HPCAL1: variants seen among roughly 807,000 people sequenced by gnomAD.
HPCAL1 encodes the protein hippocalcin-like protein 1.
Under a neutral mutation model 17.1 loss-of-function variants are expected in HPCAL1, and 8 were observed. The ratio of observed to expected loss-of-function variants is 0.47; its 90% CI spans 0.27 to 0.84. HPCAL1 has a LOEUF of 0.84. Among genes scored for constraint, HPCAL1 ranks in the 40% least tolerant of loss-of-function variants. The pLI is 0.13. For synonymous variants in HPCAL1, 112 were observed against 111.4 expected, an observed-to-expected ratio of 1.01 and a Z score of -0.03; for missense variants, 165 against 271.1, an observed-to-expected ratio of 0.61 and a Z score of 2.75.
chr2:10,356,116 G>C (rs1269012942), intron 1 of HPCAL1, among the ~76,000 whole-genome samples: 3 of 152,164 alleles, frequency 2.0e-5, no homozygotes, highest in Non-Finnish European at 2.9e-5. Flanking sequence ...TTACTCTTCT[G>C]AGTCCAGCAA....
chr2:10,415,677 C>A (rs1670616961), intron 2 of HPCAL1, among the ~76,000 whole-genome samples: 1 of 152,204 alleles, frequency 6.6e-6, no homozygotes, highest in Non-Finnish European at 1.5e-5. Flanking sequence ...CAGGCCTCCT[C>A]TTGATCATCA....
At position 10,384,721 on chromosome 2, in the gene HPCAL1, C is replaced by G. The variant is rs571533369; in HGVS notation, c.-110-12114C>G. ...TAGGGAGTGTTCTAGGCAGAGTAAA[C>G]AGTGCAGTGGCAGCCGGGGCTGGCA... On this transcript the variant is annotated intron_variant, in intron 1 of 4. Coordinates refer to ENST00000307845, the MANE Select transcript of HPCAL1 (RefSeq NM_002149.4). The surrounding 1 kb of genome is among the most constrained non-coding windows in gnomAD (Gnocchi z 4.4). 1.3e-5 allele frequency among the ~76,000 whole-genome samples: 2 copies of G among 152,140 alleles called. No homozygotes were observed. The highest frequency in any genetic ancestry group is 2.4e-5 in the African/African-American group (1 of 41,422).
Position 10,330,507 on chromosome 2 carries a change from G to A in HPCAL1, c.-111+27330G>A, listed in dbSNP as rs1664295646. 6.6e-6 allele frequency among the ~76,000 whole-genome samples: 1 copy of A among 151,952 alleles called. No homozygotes were observed. Among genetic ancestry groups the A allele is most frequent in the Non-Finnish European group, 1.5e-5 (1 of 67,994 alleles). On this transcript the variant is annotated intron_variant, in intron 1 of 4. Transcript: ENST00000307845. The surrounding 1 kb of genome is among the most constrained non-coding windows in gnomAD (Gnocchi z 4.2). Reference sequence around the variant, plus strand: ...TTTTTTTACAGTATTGGAGGCTGATGTCTGAGACAGGGTGGCGGCAGGGTT... The same window carrying A: ...TTTTTTTACAGTATTGGAGGCTGATATCTGAGACAGGGTGGCGGCAGGGTT...
chr2:10,306,634 A>G (rs959671674), intron 1 of HPCAL1, among the ~76,000 whole-genome samples: 1 of 152,162 alleles, frequency 6.6e-6, no homozygotes, highest in African/African-American at 2.4e-5. Context: ...ATCACTTTCT[A>G]CAAAGACTAA....
rs1018689375 is a variant in HPCAL1, at chr2:10,365,572, C to T, written c.-110-31263C>T. Reference sequence around the variant, plus strand: ...TCCCACCTGACCTTGGGTGGTTCCCCTTCAGCCCTGGCGTTATGATGTCCC... The same window carrying T: ...TCCCACCTGACCTTGGGTGGTTCCCTTTCAGCCCTGGCGTTATGATGTCCC... On this transcript the variant is annotated intron_variant, in intron 1 of 4. Coordinates refer to ENST00000307845, the MANE Select transcript of HPCAL1 (RefSeq NM_002149.4). This position sits in a 1 kb window ranked among gnomAD's most constrained non-coding sequence, Gnocchi z 4.8. Among the ~76,000 whole-genome samples, 49 of 152,248 alleles carry T rather than the reference C, an allele frequency of 3.2e-4. No individual in the cohort carries two copies. The highest frequency in any genetic ancestry group is 1.1e-3 in the African/African-American group (46 of 41,538).
intron 1 of HPCAL1, among the ~76,000 whole-genome samples, chr2:10,393,587 A>G (rs7580442): frequency 0.57 from 86,372 of 152,162 alleles, 24,847 homozygotes; most frequent in South Asian, 0.64. Context: ...GGGACAGAGG[A>G]AAGATGCCTC....
intron 1 of HPCAL1, among the ~76,000 whole-genome samples, chr2:10,347,741 C>T (rs980709190): frequency 2.0e-5 from 3 of 152,148 alleles, no homozygotes; most frequent in African/African-American, 4.8e-5. Context: ...CTGTGTTTCA[C>T]GGGGATCCAG....
In HPCAL1 at chr2:10,385,757, A is replaced by G. The variant is rs145076968; in HGVS notation, c.-110-11078A>G. The stretch of plus-strand genomic sequence containing the variant: ...ATGAATAATTTATTTCTGTTTTCAG[A>G]TGACTTATTCCTTCATCTGCAGCCG... On this transcript the variant is annotated intron_variant, in intron 1 of 4. Transcript: ENST00000307845. Among the ~76,000 whole-genome samples the G allele has an allele frequency of 1.1e-4, 16 of 152,254 alleles. No individual in the cohort carries two copies. The East Asian group carries it at 3.1e-3, about 29-fold the overall frequency.
At chr2:10,341,959 C>T (rs999833347) in intron 1 of HPCAL1, among the ~76,000 whole-genome samples, 18 of 151,684 alleles carry the variant, frequency 1.2e-4, no homozygotes, top group African/African-American at 3.9e-4. Context: ...GCTTTGAGGC[C>T]AGCCTGGGCA....
At chr2:10,378,223 G>GTTTTTTTT (rs58697364) in intron 1 of HPCAL1, among the ~76,000 whole-genome samples, 9 of 96,276 alleles carry the variant, frequency 9.3e-5, no homozygotes, top group Non-Finnish European at 1.6e-4. Flanking sequence ...GTGGTTTCAT[G>GTTTTTTTT]TTTTTTTTTT....
Position 10,362,685 on chromosome 2 carries a change from C to G in HPCAL1, c.-110-34150C>G, listed in dbSNP as rs756839706. Among the ~76,000 whole-genome samples, 1 of 152,192 alleles carries G rather than the reference C, an allele frequency of 6.6e-6. No individual in the cohort carries two copies. Among genetic ancestry groups the G allele is most frequent in the Non-Finnish European group, 1.5e-5 (1 of 68,034 alleles). ...TGCTTTGGGAGAGAAGGGAGGGTAG[C>G]CCTGAGGCCATCCCAAATGCGAGTC... On this transcript the variant is annotated intron_variant, in intron 1 of 4. Coordinates refer to ENST00000307845, the MANE Select transcript of HPCAL1 (RefSeq NM_002149.4). The surrounding 1 kb of genome is among the most constrained non-coding windows in gnomAD (Gnocchi z 5.0).
At chr2:10,319,701 T>C (rs1663552128) in intron 1 of HPCAL1, among the ~76,000 whole-genome samples, 1 of 151,810 alleles carries the variant, frequency 6.6e-6, no homozygotes, top group South Asian at 2.1e-4. Flanking sequence ...CTCACATTAG[T>C]GGGTTCCACC....
At chr2:10,415,714 G>A (rs940906455) in intron 2 of HPCAL1, among the ~76,000 whole-genome samples, 4 of 152,076 alleles carry the variant, frequency 2.6e-5, no homozygotes, top group African/African-American at 4.8e-5. Flanking sequence ...CCTGTTATTC[G>A]GGGGGAGTCC....
At position 10,365,371 on chromosome 2, in the gene HPCAL1, A is replaced by G. The variant is rs560478935; in HGVS notation, c.-110-31464A>G. ...CCCTCCTCTGGGGCATGTTCTTGGA[A>G]ATAAATACACCTCGTGTCATGGAGA... On this transcript the variant is annotated intron_variant, in intron 1 of 4. Transcript: ENST00000307845. The surrounding 1 kb of genome is among the most constrained non-coding windows in gnomAD (Gnocchi z 4.8). 6.6e-6 allele frequency among the ~76,000 whole-genome samples: 1 copy of G among 152,326 alleles called. No homozygotes were observed. Among genetic ancestry groups the G allele is most frequent in the South Asian group, 2.1e-4 (1 of 4,822 alleles).
chr2:10,409,512 G>T (rs957970271), intron 2 of HPCAL1, among the ~76,000 whole-genome samples: 1 of 152,190 alleles, frequency 6.6e-6, no homozygotes, highest in Non-Finnish European at 1.5e-5. Flanking sequence ...GGCCCGAGTT[G>T]TTTTGAAAAA....
rs527764724 is a variant in HPCAL1 at position 10,331,668 on chromosome 2, C to T, written c.-111+28491C>T. On this transcript the variant is annotated intron_variant, in intron 1 of 4. Coordinates refer to ENST00000307845, the MANE Select transcript of HPCAL1 (RefSeq NM_002149.4). This position sits in a 1 kb window ranked among gnomAD's most constrained non-coding sequence, Gnocchi z 5.0. ...GGCTGTCTGCCCCCCACTGCACGCC[C>T]GGCTGTCAGAGGCATCTGTCTCTTC... 3.3e-5 allele frequency among the ~76,000 whole-genome samples: 5 copies of T among 152,160 alleles called. No homozygotes were observed. Among genetic ancestry groups the T allele is most frequent in the Admixed American group, 6.5e-5 (1 of 15,284 alleles).
At chr2:10,355,275 C>T (rs1666076246) in intron 1 of HPCAL1, among the ~76,000 whole-genome samples, 1 of 151,238 alleles carries the variant, frequency 6.6e-6, no homozygotes, top group African/African-American at 2.4e-5. Flanking sequence ...AACGGGGAAA[C>T]CCCGTCTCTA....
chr2:10,334,534 A>G (rs1233754235), intron 1 of HPCAL1, among the ~76,000 whole-genome samples: 3 of 150,300 alleles, frequency 2.0e-5, no homozygotes, highest in Non-Finnish European at 4.4e-5. Flanking sequence ...AAAAGAAAAC[A>G]GAAAGAAATA....
chr2:10,421,831 C>T (rs1010306814), intron 3 of HPCAL1, among the ~76,000 whole-genome samples: 5 of 152,140 alleles, frequency 3.3e-5, no homozygotes, highest in East Asian at 1.9e-4. Context: ...AGCAGTGGCC[C>T]GCCTCAGGAA....
Sources: allele counts gnomAD v4.1 joint callset (sites outside exome capture counted in the v4.1 genomes callset), GRCh38; gene constraint gnomAD v4.1.1; non-coding constraint Gnocchi (gnomAD v3.1); transcripts MANE v1.5; gene names NCBI Gene and HGNC (gene_info 2026-07-23, HGNC 2026-07-21).